Variants in PTPRD observed in about 807,000 individuals in gnomAD.
PTPRD encodes the protein receptor-type tyrosine-protein phosphatase delta.
A neutral mutation model predicts 214.5 loss-of-function variants in PTPRD; 34 were observed. That is an observed-to-expected ratio of 0.16 (90% CI 0.12 to 0.21). PTPRD has a LOEUF of 0.21. Among genes scored for constraint, PTPRD ranks in the 10% least tolerant of loss-of-function variants. The probability of loss-of-function intolerance (pLI) is 1.00; values close to 1 mark genes in which losing one functional copy is unlikely to be tolerated. For synonymous variants in PTPRD, 1,128 were observed against 845.7 expected (o/e 1.33, Z -5.79); for missense variants, 2,545 against 2,398.7 (o/e 1.06, Z -1.27).
At chr9:10,045,661 A>G (rs1263081768) in intron 3 of PTPRD, among the ~76,000 whole-genome samples, 1 of 151,666 alleles carries the variant, frequency 6.6e-6, no homozygotes, top group East Asian at 1.9e-4. Context: ...GATCCACAAA[A>G]CCATACTGTA....
intron 33 of PTPRD, among the ~76,000 whole-genome samples, chr9:8,459,247 A>G (rs1311495123): frequency 6.6e-6 from 1 of 152,116 alleles, no homozygotes; most frequent in East Asian, 1.9e-4. Context: ...CATGTAAGCA[A>G]GAATCAAAAT....
intron 2 of PTPRD, among the ~76,000 whole-genome samples, chr9:10,411,668 AT>A (rs528195656): frequency 1.3e-5 from 2 of 151,578 alleles, no homozygotes; most frequent in Admixed American, 6.6e-5. Context: ...TTGCTATTTG[AT>A]TTTTTTTACT....
At chr9:9,997,619 G>C (rs2096172341) in intron 4 of PTPRD, among the ~76,000 whole-genome samples, 1 of 152,130 alleles carries the variant, frequency 6.6e-6, no homozygotes, top group South Asian at 2.1e-4. Flanking sequence ...GAATTATTAA[G>C]AAATAATTTT....
chr9:8,567,051 T>A (rs908869415), intron 14 of PTPRD, among the ~76,000 whole-genome samples: 1 of 152,158 alleles, frequency 6.6e-6, no homozygotes, highest in African/African-American at 2.4e-5. Flanking sequence ...CCAACGAATC[T>A]CTCCTATTTA....
chr9:10,578,308 T>C (rs143741294), intron 2 of PTPRD, among the ~76,000 whole-genome samples: 1,613 of 152,296 alleles, frequency 0.011, 29 homozygotes, highest in African/African-American at 0.036. Flanking sequence ...TAGGAAGATA[T>C]TGTAATATGT....
chr9:9,761,508 A>G (rs2098656557), intron 6 of PTPRD, among the ~76,000 whole-genome samples: 2 of 152,184 alleles, frequency 1.3e-5, no homozygotes, highest in African/African-American at 4.8e-5. Context: ...TTACAAGGTG[A>G]TAGCATTTTA....
At chr9:8,820,372 G>C (rs1316611732) in intron 11 of PTPRD, among the ~76,000 whole-genome samples, 1 of 152,048 alleles carries the variant, frequency 6.6e-6, no homozygotes, top group Non-Finnish European at 1.5e-5. Context: ...ATGAGGAAGA[G>C]AGTCTCTGCT....
intron 11 of PTPRD, among the ~76,000 whole-genome samples, chr9:8,944,292 C>T (rs781696221): frequency 6.6e-5 from 10 of 152,056 alleles, no homozygotes; most frequent in Non-Finnish European, 1.0e-4. Context: ...AATGCTCATA[C>T]ACTGCTGGTA....
intron 3 of PTPRD, among the ~76,000 whole-genome samples, chr9:10,318,554 G>A (rs1196439390): frequency 6.6e-6 from 1 of 151,980 alleles, no homozygotes; most frequent in Non-Finnish European, 1.5e-5. Context: ...CTGGAACTGG[G>A]TTATAGGATT....
chr9:8,749,975 C>T lies in PTPRD; in HGVS notation c.-103-16029G>A, dbSNP rs372081039. The stretch of plus-strand genomic sequence containing the variant: ...AAAATGAGCCAGCTGTGGTGGCGGT[C>T]GCCTGTAGTCCCAGCTCCTCGGGAA... On this transcript the variant is annotated intron_variant, in intron 11 of 45. Transcript: ENST00000381196. Among the ~76,000 whole-genome samples, 31 of 151,912 alleles carry T rather than the reference C, an allele frequency of 2.0e-4. No homozygotes were observed. The East Asian group carries it at 5.2e-3, about 26-fold the overall frequency.
chr9:8,455,463 T>A (rs1268331459), intron 33 of PTPRD, among the ~76,000 whole-genome samples: 1 of 152,188 alleles, frequency 6.6e-6, no homozygotes, highest in Non-Finnish European at 1.5e-5. Flanking sequence ...AATCTAAAAA[T>A]CTTCACTTTG....
intron 5 of PTPRD, among the ~76,000 whole-genome samples, chr9:9,935,333 C>T (rs541110073): frequency 2.6e-5 from 4 of 152,044 alleles, no homozygotes; most frequent in Admixed American, 1.3e-4. Context: ...ACCCCATCAT[C>T]GTCTCAGCCC....
intron 39 of PTPRD, among the ~76,000 whole-genome samples, chr9:8,349,385 C>G (rs1328903868): frequency 1.3e-5 from 2 of 152,124 alleles, no homozygotes; most frequent in Non-Finnish European, 2.9e-5. Flanking sequence ...CCAATTTACT[C>G]TTTTTTTGTT....
At chr9:9,103,905 CT>C (rs1403893938) in intron 10 of PTPRD, among the ~76,000 whole-genome samples, 2 of 152,078 alleles carry the variant, frequency 1.3e-5, no homozygotes, top group Non-Finnish European at 2.9e-5. Context: ...TCGCTGGAGC[CT>C]TGGGAGGCAG....
chr9:9,036,353 G>T (rs2099621849), intron 10 of PTPRD, among the ~76,000 whole-genome samples: 1 of 152,040 alleles, frequency 6.6e-6, no homozygotes. Flanking sequence ...ATAAGCAAGT[G>T]AAGACACTGA....
chr9:8,524,867 G>A (rs75123693), intron 18 of PTPRD, 58 bp downstream of exon 18: 65 of 1,424,432 alleles, frequency 4.6e-5, no homozygotes, highest in East Asian at 3.6e-4. Context: ...ACCCTGCGGC[G>A]TCTCAACTCC....
At chr9:9,705,684 T>C (rs1217485748) in intron 7 of PTPRD, among the ~76,000 whole-genome samples, 1 of 152,152 alleles carries the variant, frequency 6.6e-6, no homozygotes, top group African/African-American at 2.4e-5. Flanking sequence ...TACTTCTAAG[T>C]ATCAAAAGTT....
At chr9:9,609,086 A>C (rs1009506108) in intron 7 of PTPRD, among the ~76,000 whole-genome samples, 3 of 152,192 alleles carry the variant, frequency 2.0e-5, no homozygotes, top group Non-Finnish European at 4.4e-5. Context: ...ATATTGCTTA[A>C]GAAGTGAAGA....
chr9:10,503,865 C>A (rs2044770279), intron 2 of PTPRD, among the ~76,000 whole-genome samples: 1 of 151,536 alleles, frequency 6.6e-6, no homozygotes, highest in Non-Finnish European at 1.5e-5. Context: ...ACCTGTAATC[C>A]CAGCACTTTG....
Sources: allele counts gnomAD v4.1 joint callset (sites outside exome capture counted in the v4.1 genomes callset), GRCh38; gene constraint gnomAD v4.1.1; transcripts MANE v1.5; gene names NCBI Gene and HGNC (gene_info 2026-07-23, HGNC 2026-07-21).